Variants in PRKN observed in about 807,000 individuals in gnomAD.
PRKN encodes the protein E3 ubiquitin-protein ligase parkin.
In PRKN, 56 loss-of-function variants were observed where a neutral mutation model predicts 59.5. That is an observed-to-expected ratio of 0.94 (90% CI 0.76 to 1.18). The LOEUF is 1.18. PRKN is among the 50% of genes most tolerant of loss of function. The pLI is 0.00. For synonymous variants in PRKN, 250 were observed against 222.1 expected (o/e 1.13, Z -1.12); for missense variants, 657 against 596.4 (o/e 1.10, Z -1.06).
At chr6:162,051,668 C>G (rs1306396709) in intron 5 of PRKN, among the ~76,000 whole-genome samples, 1 of 151,928 alleles carries the variant, frequency 6.6e-6, no homozygotes, top group Non-Finnish European at 1.5e-5. Flanking sequence ...TTCCCTGGAA[C>G]CCAGGGTGAG....
intron 5 of PRKN, among the ~76,000 whole-genome samples, chr6:162,018,982 A>G (rs1783032148): frequency 6.6e-6 from 1 of 152,208 alleles, no homozygotes; most frequent in Admixed American, 6.5e-5. Flanking sequence ...ACATTAAAAT[A>G]TCACAAATTC....
chr6:162,376,947 G>T (rs1786137624), intron 2 of PRKN, among the ~76,000 whole-genome samples: 1 of 151,848 alleles, frequency 6.6e-6, no homozygotes, highest in Non-Finnish European at 1.5e-5. Flanking sequence ...CAAAGTAAAG[G>T]CAGGAGGAGA....
intron 1 of PRKN, among the ~76,000 whole-genome samples, chr6:162,659,153 A>C (rs1778783746): frequency 6.6e-6 from 1 of 152,190 alleles, no homozygotes; most frequent in Non-Finnish European, 1.5e-5. Flanking sequence ...TAGTTACATG[A>C]ATTCAAGCGG....
At chr6:162,100,043 G>A (rs1779902576) in intron 4 of PRKN, among the ~76,000 whole-genome samples, 1 of 152,162 alleles carries the variant, frequency 6.6e-6, no homozygotes, top group African/African-American at 2.4e-5. Flanking sequence ...TTCTGTGCCT[G>A]GCTCATTTTA....
rs568985157 is a variant in PRKN at position 161,533,531 on chromosome 6, T to C, written c.1083+15323A>G. The stretch of plus-strand genomic sequence containing the variant: ...CGTGTCCAGTAAGGAGCAGACAAGA[T>C]AGCCCCACCAAGTGGAAAGCCCATT... On this transcript the variant is annotated intron_variant, in intron 9 of 11. Transcript: ENST00000366898. This position sits in a 1 kb window ranked among gnomAD's most constrained non-coding sequence, Gnocchi z 4.1. Among the ~76,000 whole-genome samples, 4 of 152,242 alleles carry C rather than the reference T, an allele frequency of 2.6e-5. No individual in the cohort carries two copies. The South Asian group carries it at 8.3e-4, about 32-fold the overall frequency.
intron 1 of PRKN, among the ~76,000 whole-genome samples, chr6:162,597,896 T>A (rs1227718327): frequency 6.6e-6 from 1 of 152,236 alleles, no homozygotes; most frequent in Non-Finnish European, 1.5e-5. Flanking sequence ...TGACTAGTAT[T>A]ATTTTACAAC....
intron 1 of PRKN, among the ~76,000 whole-genome samples, chr6:162,593,818 G>A (rs1291099738): frequency 1.3e-5 from 2 of 152,096 alleles, no homozygotes; most frequent in African/African-American, 4.8e-5. Context: ...TTTGTTAAGT[G>A]TGTTTCTAGA....
At chr6:161,422,859 C>T (rs1788166406) in intron 9 of PRKN, among the ~76,000 whole-genome samples, 1 of 152,150 alleles carries the variant, frequency 6.6e-6, no homozygotes, top group Admixed American at 6.5e-5. Flanking sequence ...GCATTCCAGA[C>T]TTCAATAAAT....
rs967084671 is a variant in PRKN, at chr6:161,473,714, G to A, written c.1083+75140C>T. ...AAATTTGCAAAAAAGTAGATTTTAG[G>A]TGCTATTACTGTATACGTATGAAAA... On this transcript the variant is annotated intron_variant, in intron 9 of 11. Transcript: ENST00000366898. The surrounding 1 kb of genome is among the most constrained non-coding windows in gnomAD (Gnocchi z 4.1). Among the ~76,000 whole-genome samples, 1 of 152,058 alleles carries A rather than the reference G, an allele frequency of 6.6e-6. No homozygotes were observed. Among genetic ancestry groups the A allele is most frequent in the African/African-American group, 2.4e-5 (1 of 41,406 alleles).
chr6:161,960,278 T>C (rs1780332936), intron 6 of PRKN, among the ~76,000 whole-genome samples: 1 of 152,250 alleles, frequency 6.6e-6, no homozygotes, highest in Non-Finnish European at 1.5e-5. Flanking sequence ...AGCCAGGTTC[T>C]GTACACACAG....
At chr6:162,468,946 A>C (rs1008012250) in intron 1 of PRKN, among the ~76,000 whole-genome samples, 1 of 152,190 alleles carries the variant, frequency 6.6e-6, no homozygotes, top group Non-Finnish European at 1.5e-5. Flanking sequence ...GGTATCTCAA[A>C]GGCTGGAATG....
At chr6:162,642,555 T>C (rs984787962) in intron 1 of PRKN, among the ~76,000 whole-genome samples, 17 of 152,098 alleles carry the variant, frequency 1.1e-4, no homozygotes, top group African/African-American at 4.1e-4. Flanking sequence ...AAACATTTCA[T>C]AATCTCAAAC....
chr6:161,611,685 A>G (rs564760068), intron 7 of PRKN, among the ~76,000 whole-genome samples: 2 of 152,314 alleles, frequency 1.3e-5, no homozygotes, highest in African/African-American at 4.8e-5. Flanking sequence ...TCCCTGAGTC[A>G]TAACAATTTA....
chr6:162,297,534 G>A (rs1318472937), intron 2 of PRKN, among the ~76,000 whole-genome samples: 1 of 152,080 alleles, frequency 6.6e-6, no homozygotes, highest in East Asian at 1.9e-4. Flanking sequence ...GATGAATTAG[G>A]AGGCATACAG....
chr6:162,679,109 T>TATTTATTTATTTATTTATTA (rs780065550), intron 1 of PRKN, among the ~76,000 whole-genome samples: 4 of 148,412 alleles, frequency 2.7e-5, no homozygotes, highest in Non-Finnish European at 4.5e-5. Flanking sequence ...TTTATTTATT[T>TATTTATTTATTTATTTATTA]ATGAATGAAT....
chr6:162,412,150 A>G (rs534238051), intron 2 of PRKN, among the ~76,000 whole-genome samples: 7 of 152,312 alleles, frequency 4.6e-5, no homozygotes, highest in Admixed American at 3.9e-4. Flanking sequence ...GCACTGCTAC[A>G]AATGATTTAC....
intron 6 of PRKN, among the ~76,000 whole-genome samples, chr6:161,955,441 A>C (rs373588653): frequency 8.5e-5 from 13 of 152,332 alleles, no homozygotes; most frequent in Admixed American, 4.6e-4. Context: ...ATATTTACTA[A>C]ATTTTACATT....
At chr6:162,329,585 T>G (rs549159663) in intron 2 of PRKN, among the ~76,000 whole-genome samples, 10 of 152,224 alleles carry the variant, frequency 6.6e-5, no homozygotes, top group Admixed American at 2.6e-4. Context: ...TGCATGAAAT[T>G]TATCTTCATG....
chr6:161,674,210 T>C (rs1000816847), intron 7 of PRKN, among the ~76,000 whole-genome samples: 5 of 152,118 alleles, frequency 3.3e-5, no homozygotes, highest in Non-Finnish European at 7.4e-5. Flanking sequence ...GATCATATAA[T>C]ATCATGAAGT....
Sources: allele counts gnomAD v4.1 joint callset (sites outside exome capture counted in the v4.1 genomes callset), GRCh38; gene constraint gnomAD v4.1.1; non-coding constraint Gnocchi (gnomAD v3.1); transcripts MANE v1.5; gene names NCBI Gene and HGNC (gene_info 2026-07-23, HGNC 2026-07-21).